The following PLCG2 variants were observed in gnomAD, a reference collection of about 807,000 sequenced individuals.
PLCG2 encodes the protein phospholipase C gamma 2, also known as 1-phosphatidylinositol 4,5-bisphosphate phosphodiesterase gamma-2.
Under a neutral mutation model 175.6 loss-of-function variants are expected in PLCG2, and 69 were observed. That is an observed-to-expected ratio of 0.39 (90% CI 0.32 to 0.48). PLCG2 has a LOEUF of 0.48. Among genes scored for constraint, PLCG2 ranks in the 20% least tolerant of loss-of-function variants. The probability of loss-of-function intolerance (pLI) is 0.91; values close to 1 mark genes in which losing one functional copy is unlikely to be tolerated. For synonymous variants in PLCG2, 827 were observed against 624.0 expected (o/e 1.33, Z -4.85); for missense variants, 1,798 against 1,650.9 (o/e 1.09, Z -1.54).
chr16:81,875,074 C>A (rs1907714410), intron 7 of PLCG2, among the ~76,000 whole-genome samples: 2 of 150,808 alleles, frequency 1.3e-5, no homozygotes, highest in African/African-American at 4.9e-5. Context: ...AGCGATTCTC[C>A]TGCCTCAGCC....
intron 19 of PLCG2, among the ~76,000 whole-genome samples, chr16:81,916,452 CT>C (rs1909846211): frequency 2.6e-5 from 4 of 152,114 alleles, no homozygotes; most frequent in Admixed American, 2.6e-4. Context: ...CCTCTAGATG[CT>C]TTTCCTAATT....
At chr16:81,746,747 T>A (rs572910057) in intron 1 of PLCG2, among the ~76,000 whole-genome samples, 2 of 152,170 alleles carry the variant, frequency 1.3e-5, no homozygotes, top group Admixed American at 1.3e-4. Context: ...TAATTCCCAC[T>A]TCTCAGGCTT....
chr16:81,823,317 T>C lies in PLCG2; in HGVS notation c.194-31127T>C, dbSNP rs941505943. Reference sequence around the variant, plus strand: ...GCAGCTGCAGCAGAGAGGCTTCCTCTCTCGACAGAAACGCAGAAGTGAGCT... The same window carrying C: ...GCAGCTGCAGCAGAGAGGCTTCCTCCCTCGACAGAAACGCAGAAGTGAGCT... On this transcript the variant is annotated intron_variant, in intron 2 of 32. Transcript: ENST00000564138. 2.6e-5 allele frequency among the ~76,000 whole-genome samples: 4 copies of C among 152,140 alleles called. 1 individual carries two copies. The highest frequency in any genetic ancestry group is 6.3e-3 in the Middle Eastern group (2 of 316).
intron 13 of PLCG2, among the ~76,000 whole-genome samples, chr16:81,899,695 G>A (rs937989291): frequency 5.3e-5 from 8 of 152,208 alleles, no homozygotes; most frequent in African/African-American, 1.9e-4. Context: ...GGTGAGGGCT[G>A]CCTGGTGTTC....
At chr16:81,809,103 C>G (rs1320598826) in intron 2 of PLCG2, among the ~76,000 whole-genome samples, 1 of 152,182 alleles carries the variant, frequency 6.6e-6, no homozygotes, top group Non-Finnish European at 1.5e-5. Flanking sequence ...GGCCTGGTCT[C>G]TCTGAGCATG....
chr16:81,834,929 A>G (rs1201944365), intron 2 of PLCG2, among the ~76,000 whole-genome samples: 1 of 152,214 alleles, frequency 6.6e-6, no homozygotes, highest in Non-Finnish European at 1.5e-5. Flanking sequence ...GTACTACTGC[A>G]AAAGTGCCAA....
intron 29 of PLCG2, among the ~76,000 whole-genome samples, chr16:81,939,369 G>A (rs1010136823): frequency 6.6e-6 from 1 of 152,180 alleles, no homozygotes; most frequent in Non-Finnish European, 1.5e-5. Context: ...GGAGGGAACC[G>A]TGATTGGTGG....
At chr16:81,884,373 C>G (rs1908248351) in intron 9 of PLCG2, among the ~76,000 whole-genome samples, 1 of 151,652 alleles carries the variant, frequency 6.6e-6, no homozygotes, top group South Asian at 2.1e-4. Context: ...ACAAAAACAC[C>G]CCCACCCCAC....
At chr16:81,939,280 G>A (rs1910842426) in intron 29 of PLCG2, among the ~76,000 whole-genome samples, 1 of 152,142 alleles carries the variant, frequency 6.6e-6, no homozygotes, top group Non-Finnish European at 1.5e-5. Context: ...TGACCCAGAG[G>A]ATCAGCCTAA....
At chr16:81,947,521 A>C (rs1195394943) in intron 31 of PLCG2, among the ~76,000 whole-genome samples, 2 of 152,146 alleles carry the variant, frequency 1.3e-5, no homozygotes, top group Admixed American at 1.3e-4. Flanking sequence ...CCTTTTATTT[A>C]TCACCATATC....
chr16:81,810,324 A>G (rs1904306945), intron 2 of PLCG2, among the ~76,000 whole-genome samples: 1 of 152,248 alleles, frequency 6.6e-6, no homozygotes, highest in Non-Finnish European at 1.5e-5. Flanking sequence ...AGTCTATAGA[A>G]CACGTAACGT....
intron 8 of PLCG2, among the ~76,000 whole-genome samples, chr16:81,881,617 A>G (rs988389439): frequency 6.6e-6 from 1 of 152,230 alleles, no homozygotes; most frequent in Admixed American, 6.5e-5. Flanking sequence ...CCAAGACTCC[A>G]AAGTATAAAT....
intron 1 of PLCG2, among the ~76,000 whole-genome samples, chr16:81,744,067 C>A (rs963710963): frequency 6.6e-6 from 1 of 151,964 alleles, no homozygotes; most frequent in Admixed American, 6.6e-5. Context: ...ACTGTGTTGG[C>A]CAGGATGGTC....
intron 30 of PLCG2, among the ~76,000 whole-genome samples, chr16:81,943,120 C>T (rs1302276188): frequency 6.6e-6 from 1 of 152,028 alleles, no homozygotes; most frequent in Non-Finnish European, 1.5e-5. Context: ...CTGATAGCCT[C>T]CCGGAATGCC....
chr16:81,939,786 A>G (rs867133801), intron 29 of PLCG2, 106 bp from the exon 30 acceptor site: 6 of 726,944 alleles, frequency 8.3e-6, no homozygotes, highest in African/African-American at 5.3e-5. Context: ...ATGCATATTT[A>G]TTTACATGGT....
At position 81,895,930 on chromosome 16, in the gene PLCG2, C is replaced by T. The variant is rs1228604457; in HGVS notation, c.1193+3C>T. 2 of 1,613,970 alleles carry T rather than the reference C, an allele frequency of 1.2e-6. No homozygotes were observed. The highest frequency in any genetic ancestry group is 1.7e-6 in the Non-Finnish European group (2 of 1,179,964). Reference sequence around the variant, plus strand: ...GACCACGCCTTTGTTACCTCGAGGTCAGTTGGCTGATTTCTGGGTGGTGTG... The same window carrying T: ...GACCACGCCTTTGTTACCTCGAGGTTAGTTGGCTGATTTCTGGGTGGTGTG... On this transcript the variant is annotated splice_donor_region_variant and intron_variant, in intron 13 of 32. Transcript: ENST00000564138.
intron 1 of PLCG2, among the ~76,000 whole-genome samples, chr16:81,749,930 G>A (rs899829682): frequency 4.6e-5 from 7 of 152,038 alleles, no homozygotes; most frequent in South Asian, 2.1e-4. Context: ...TCTACGCGGC[G>A]GAATGCAAGG....
chr16:81,867,822 T>G (rs897283537), intron 5 of PLCG2, among the ~76,000 whole-genome samples: 1 of 152,110 alleles, frequency 6.6e-6, no homozygotes, highest in Non-Finnish European at 1.5e-5. Context: ...CTCAGCCTCC[T>G]GAGTAGCTGG....
intron 25 of PLCG2, among the ~76,000 whole-genome samples, chr16:81,932,171 T>C (rs576408228): frequency 2.6e-5 from 4 of 152,178 alleles, no homozygotes; most frequent in African/African-American, 7.2e-5. Flanking sequence ...AGTACTAGTC[T>C]CTGGCTGGAA....
Sources: gnomAD v4.1 joint callset for allele counts (sites outside exome capture counted in the v4.1 genomes callset) on GRCh38, gnomAD v4.1.1 for gene constraint, MANE v1.5 for transcripts, NCBI Gene and HGNC (gene_info 2026-07-23, HGNC 2026-07-21) for gene names.